The following NEDD9 variants were observed in gnomAD, a reference collection of about 807,000 sequenced individuals.
The protein encoded by NEDD9 is enhancer of filamentation 1.
A neutral mutation model predicts 76.6 loss-of-function variants in NEDD9; 26 were observed. The observed-to-expected ratio is 0.34, with a 90% CI of 0.25 to 0.47. The LOEUF (loss-of-function observed/expected upper bound fraction) is 0.47, where lower values mean the gene tolerates loss of function less well. Among genes scored for constraint, NEDD9 ranks in the 20% least tolerant of loss-of-function variants. The pLI, the probability that NEDD9 is intolerant of heterozygous loss-of-function variation, is 1.00. For missense variants in NEDD9, 937 were observed against 1,058.5 expected (o/e 0.89, Z 1.59); for synonymous variants, 392 against 414.2 (o/e 0.95, Z 0.65).
intron 1 of NEDD9, among the ~76,000 whole-genome samples, chr6:11,348,858 G>T (rs774134611): frequency 1.3e-5 from 2 of 152,098 alleles, no homozygotes; most frequent in Non-Finnish European, 2.9e-5. Flanking sequence ...CTGGGCTTAG[G>T]AACTGGCAAA....
chr6:11,348,294 T>C lies in NEDD9; in HGVS notation c.-213-13733A>G, dbSNP rs1762401293. Among the ~76,000 whole-genome samples the C allele has an allele frequency of 2.6e-5, 4 of 151,966 alleles. No individual in the cohort carries two copies. In the South Asian group the frequency reaches 6.2e-4, roughly 24 times the overall value. The stretch of plus-strand genomic sequence containing the variant: ...AGAAATCAGAGATGACACAAACAAA[T>C]AGAAAAATATTCCATACTCATAGAT... On this transcript the variant is annotated intron_variant, in intron 1 of 3. Coordinates refer to the NEDD9 transcript ENST00000397378.
intron 2 of NEDD9, among the ~76,000 whole-genome samples, chr6:11,329,330 A>G (rs1761988251): frequency 6.6e-6 from 1 of 152,200 alleles, no homozygotes; most frequent in African/African-American, 2.4e-5. Context: ...TTAGCACACT[A>G]GGCTCCAAGT....
rs376965061 is a variant in NEDD9 at position 11,253,216 on chromosome 6, A to C, written c.13-39489T>G. Reference sequence around the variant, plus strand: ...ATGAATGTGCGCAGTCGTTGAACTTACAACCCATGTTGATAAAAAAGAGAA... The same window carrying C: ...ATGAATGTGCGCAGTCGTTGAACTTCCAACCCATGTTGATAAAAAAGAGAA... On this transcript the variant is annotated intron_variant, in intron 3 of 3. Coordinates refer to the NEDD9 transcript ENST00000397378. Among the ~76,000 whole-genome samples the C allele has an allele frequency of 4.6e-5, 7 of 152,358 alleles. No homozygotes were observed. The East Asian group carries it at 1.3e-3, about 29-fold the overall frequency.
intron 3 of NEDD9, among the ~76,000 whole-genome samples, chr6:11,279,649 G>A (rs1225137798): frequency 1.3e-5 from 2 of 152,192 alleles, no homozygotes; most frequent in African/African-American, 4.8e-5. Context: ...GAAAGCTGAT[G>A]TTGTGATGTG....
chr6:11,378,011 G>A (rs1762995040), intron 1 of NEDD9, among the ~76,000 whole-genome samples: 1 of 152,216 alleles, frequency 6.6e-6, no homozygotes, highest in Admixed American at 6.5e-5. Context: ...GGGAGGCTGA[G>A]GTGGGTGGAT....
chr6:11,200,995 GT>G, intron 2 of NEDD9: 1 of 1,614,234 alleles, frequency 6.2e-7, no homozygotes, highest in Non-Finnish European at 8.5e-7. Flanking sequence ...AAGCTGGTTT[GT>G]TTAGAGGCTC....
At chr6:11,242,528 G>A (rs928333978) in intron 3 of NEDD9, among the ~76,000 whole-genome samples, 4 of 151,632 alleles carry the variant, frequency 2.6e-5, no homozygotes, top group Non-Finnish European at 5.9e-5. Flanking sequence ...TTTTCATTTT[G>A]CCATCTTAAA....
intron 1 of NEDD9, among the ~76,000 whole-genome samples, chr6:11,368,940 A>G (rs908036463): frequency 1.7e-4 from 26 of 152,208 alleles, no homozygotes; most frequent in African/African-American, 5.8e-4. Context: ...CTCATGTAAC[A>G]TTCAAAATCA....
upstream of NEDD9, among the ~76,000 whole-genome samples, chr6:11,233,792 G>C (rs1002167230): frequency 4.6e-5 from 7 of 152,190 alleles, no homozygotes; most frequent in Non-Finnish European, 8.8e-5. Flanking sequence ...TCCCGGGCAA[G>C]ACTGAGACTC....
intron 3 of NEDD9, 25 bp downstream of exon 3, chr6:11,193,566 C>T: frequency 6.3e-7 from 1 of 1,575,444 alleles, no homozygotes; most frequent in Non-Finnish European, 8.7e-7. Context: ...CGCTTCTCCT[C>T]TTGTGACCAT....
At chr6:11,367,656 A>T (rs144564663) in intron 1 of NEDD9, among the ~76,000 whole-genome samples, 2,045 of 151,834 alleles carry the variant, frequency 0.013, 14 homozygotes, top group Middle Eastern at 0.041. Context: ...GCAATTAGCA[A>T]GTCTCTCAAC....
intron 2 of NEDD9, among the ~76,000 whole-genome samples, chr6:11,332,676 A>G (rs1161673004): frequency 6.6e-6 from 1 of 152,162 alleles, no homozygotes; most frequent in East Asian, 1.9e-4. Context: ...CTAACCTGTG[A>G]GATTCCAGAA....
At chr6:11,271,249 C>T (rs1760302005) in intron 3 of NEDD9, among the ~76,000 whole-genome samples, 2 of 152,160 alleles carry the variant, frequency 1.3e-5, no homozygotes, top group African/African-American at 4.8e-5. Context: ...GTTGCCCAGG[C>T]TGGTCTTGAA....
At chr6:11,355,119 T>C (rs983601600) in intron 1 of NEDD9, among the ~76,000 whole-genome samples, 6 of 152,126 alleles carry the variant, frequency 3.9e-5, no homozygotes, top group Admixed American at 2.0e-4. Context: ...CACAAATATA[T>C]GGAAGCCAAA....
At chr6:11,365,852 G>T (rs765255960) in intron 1 of NEDD9, among the ~76,000 whole-genome samples, 1 of 152,072 alleles carries the variant, frequency 6.6e-6, no homozygotes, top group Non-Finnish European at 1.5e-5. Flanking sequence ...TTAGGTGGAT[G>T]TGATGGCATG....
chr6:11,305,506 A>G (rs1761159393), intron 3 of NEDD9, among the ~76,000 whole-genome samples: 1 of 152,242 alleles, frequency 6.6e-6, no homozygotes, highest in Non-Finnish European at 1.5e-5. Flanking sequence ...AGCCTTGGTT[A>G]GATAGAAAAA....
chr6:11,298,132 T>G (rs1760947209), intron 3 of NEDD9, among the ~76,000 whole-genome samples: 1 of 152,100 alleles, frequency 6.6e-6, no homozygotes, highest in African/African-American at 2.4e-5. Context: ...GCTCTCGAAC[T>G]CCTGACCTCA....
intron 3 of NEDD9, among the ~76,000 whole-genome samples, chr6:11,290,708 C>T (rs919346131): frequency 1.3e-5 from 2 of 152,176 alleles, no homozygotes; most frequent in African/African-American, 2.4e-5. Context: ...GGGCAAGAGG[C>T]CCCTGGGTGA....
At chr6:11,249,997 G>C (rs1052936179) in intron 3 of NEDD9, among the ~76,000 whole-genome samples, 1 of 152,200 alleles carries the variant, frequency 6.6e-6, no homozygotes, top group Non-Finnish European at 1.5e-5. Context: ...GCAGTGCCTG[G>C]ACCATGGCTG....
Sources: allele counts gnomAD v4.1 joint callset (sites outside exome capture counted in the v4.1 genomes callset), GRCh38; gene constraint gnomAD v4.1.1; transcripts MANE v1.5; gene names NCBI Gene and HGNC (gene_info 2026-07-23, HGNC 2026-07-21).